The following DLGAP2 variants were observed in gnomAD, a reference collection of about 807,000 sequenced individuals.
The protein encoded by DLGAP2 is disks large-associated protein 2.
Under a neutral mutation model 100.3 loss-of-function variants are expected in DLGAP2, and 26 were observed. The ratio of observed to expected loss-of-function variants is 0.26; its 90% CI spans 0.19 to 0.36. The LOEUF is 0.36. DLGAP2 is among the 10% of genes least tolerant of loss of function. DLGAP2 has a pLI of 1.00. For missense variants in DLGAP2, 1,858 were observed against 1,453.2 expected, an observed-to-expected ratio of 1.28 and a Z score of -4.53; for synonymous variants, 886 against 630.1, an observed-to-expected ratio of 1.41 and a Z score of -6.08.
At chr8:1,580,451 G>A (rs914301676) in intron 6 of DLGAP2, among the ~76,000 whole-genome samples, 3 of 152,318 alleles carry the variant, frequency 2.0e-5, no homozygotes, top group Non-Finnish European at 2.9e-5. Flanking sequence ...CGTGGGAATC[G>A]AAAGGCAGAA....
intron 2 of DLGAP2, among the ~76,000 whole-genome samples, chr8:1,079,330 T>C (rs1389781694): frequency 1.3e-5 from 2 of 152,260 alleles, no homozygotes; most frequent in Non-Finnish European, 2.9e-5. Flanking sequence ...AAATATTTTC[T>C]CTCAGTCTAT....
chr8:1,687,574 C>T (rs1799147916), intron 12 of DLGAP2, among the ~76,000 whole-genome samples: 1 of 152,194 alleles, frequency 6.6e-6, no homozygotes, highest in African/African-American at 2.4e-5. Context: ...ATTAGCTACA[C>T]TTTTTGACAT....
rs891570786 is a variant in DLGAP2 at position 1,448,996 on chromosome 8, A to G, written c.107-52370A>G. Among the ~76,000 whole-genome samples the G allele has an allele frequency of 2.6e-5, 4 of 152,196 alleles. 1 individual carries two copies. The highest frequency in any genetic ancestry group is 5.9e-5 in the Non-Finnish European group (4 of 68,038). On this transcript the variant is annotated intron_variant, in intron 3 of 14. Coordinates refer to ENST00000637795, the MANE Select transcript of DLGAP2 (RefSeq NM_001346810.2). ...CAAAGTCTGGTTTAAAAGCTGACGC[A>G]TGTTCTGAGAGCTGTAGGCTGTGAT... is the stretch of plus-strand genomic sequence containing the variant.
At chr8:784,694 T>C (rs907741150) in intron 1 of DLGAP2, among the ~76,000 whole-genome samples, 29 of 152,226 alleles carry the variant, frequency 1.9e-4, no homozygotes, top group Admixed American at 1.8e-3. Context: ...AACGTGTGAC[T>C]GTGGACCCCA....
intron 2 of DLGAP2, among the ~76,000 whole-genome samples, chr8:1,214,627 C>G (rs886103838): frequency 2.0e-5 from 3 of 152,212 alleles, no homozygotes; most frequent in African/African-American, 7.2e-5. Context: ...GTGTCTGCTT[C>G]TTCCCTATTG....
At chr8:1,468,048 C>G in intron 3 of DLGAP2, among the ~76,000 whole-genome samples, 1 of 152,248 alleles carries the variant, frequency 6.6e-6, no homozygotes. Context: ...GGCGCTGTGG[C>G]TTGCATCTTG....
intron 2 of DLGAP2, among the ~76,000 whole-genome samples, chr8:1,199,494 A>G (rs989807520): frequency 6.6e-6 from 1 of 152,214 alleles, no homozygotes; most frequent in Non-Finnish European, 1.5e-5. Flanking sequence ...CAGGCAGTCC[A>G]GTGAAGGCTG....
At chr8:998,258 A>G (rs1009789781) in intron 2 of DLGAP2, among the ~76,000 whole-genome samples, 9 of 152,210 alleles carry the variant, frequency 5.9e-5, no homozygotes, top group African/African-American at 1.7e-4. Context: ...GTGTCATGTC[A>G]TACAACTCCT....
intron 3 of DLGAP2, among the ~76,000 whole-genome samples, chr8:1,443,098 T>C (rs894236800): frequency 9.2e-5 from 14 of 152,168 alleles, no homozygotes; most frequent in African/African-American, 2.9e-4. Flanking sequence ...TGCAAATACA[T>C]GGAAAGTATG....
At chr8:1,323,091 C>T (rs1800943579) in intron 3 of DLGAP2, among the ~76,000 whole-genome samples, 3 of 150,698 alleles carry the variant, frequency 2.0e-5, no homozygotes, top group Non-Finnish European at 2.9e-5. Flanking sequence ...AGTGCAATGG[C>T]GTGATCTCGG....
At chr8:1,233,204 A>T (rs117696976) in intron 2 of DLGAP2, among the ~76,000 whole-genome samples, 2,202 of 152,252 alleles carry the variant, frequency 0.014, 31 homozygotes, top group South Asian at 0.069. Flanking sequence ...CTCATTGGAC[A>T]TTTGAGTTGT....
rs1484516431 is a variant in DLGAP2 at position 1,706,078 on chromosome 8, G to T, written c.*4672G>T. 6.6e-6 allele frequency: 1 copy of T among 152,188 alleles called. No homozygotes were observed. Among genetic ancestry groups the T allele is most frequent in the African/African-American group, 2.4e-5 (1 of 41,424 alleles). The allele number at this position is 152,188 out of a possible 1,614,324, so 9.4% of individuals were successfully genotyped here. On this transcript the variant is annotated 3_prime_UTR_variant, in exon 15 of 15. Transcript: ENST00000637795. ...TATTAGTTGGGAGTTGCAATACATT[G>T]TTGGCCATAAACAAAGTGCTAAAGG...
intron 4 of DLGAP2, among the ~76,000 whole-genome samples, chr8:1,515,612 GCA>G (rs138432516): frequency 2.2e-4 from 33 of 152,084 alleles, no homozygotes; most frequent in East Asian, 1.5e-3. Flanking sequence ...ACACGTGCAT[GCA>G]CACACACATG....
intron 1 of DLGAP2, among the ~76,000 whole-genome samples, chr8:794,767 C>T (rs1795990461): frequency 6.6e-6 from 1 of 152,130 alleles, no homozygotes; most frequent in South Asian, 2.1e-4. Flanking sequence ...TGGGGGCCTG[C>T]TCCCAACAGC....
At chr8:901,783 GA>G (rs1798256911) in intron 1 of DLGAP2, among the ~76,000 whole-genome samples, 1 of 152,222 alleles carries the variant, frequency 6.6e-6, no homozygotes, top group African/African-American at 2.4e-5. Context: ...GCTTGAGCTT[GA>G]ACCCTCCCAG....
intron 2 of DLGAP2, among the ~76,000 whole-genome samples, chr8:1,076,586 C>T (rs753304675): frequency 6.6e-6 from 1 of 152,352 alleles, no homozygotes; most frequent in East Asian, 1.9e-4. Flanking sequence ...AGCCGCCTTC[C>T]GTTTTCACTT....
intron 2 of DLGAP2, among the ~76,000 whole-genome samples, chr8:925,249 G>C (rs530177919): frequency 1.1e-4 from 16 of 152,052 alleles, no homozygotes; most frequent in Non-Finnish European, 2.4e-4. Context: ...GGGACGACAG[G>C]TGCACACCAC....
chr8:1,661,801 A>C (rs1375481435), intron 8 of DLGAP2, among the ~76,000 whole-genome samples: 3 of 152,254 alleles, frequency 2.0e-5, no homozygotes, highest in African/African-American at 7.2e-5. Context: ...TAGGAGGGTC[A>C]GTTTCTATGT....
intron 3 of DLGAP2, among the ~76,000 whole-genome samples, chr8:1,455,735 C>T (rs1008087847): frequency 5.3e-5 from 8 of 152,228 alleles, no homozygotes; most frequent in Non-Finnish European, 7.3e-5. Flanking sequence ...GCGTCGCATC[C>T]TCCAGAGGCA....
Sources: allele counts gnomAD v4.1 joint callset (sites outside exome capture counted in the v4.1 genomes callset), GRCh38; gene constraint gnomAD v4.1.1; transcripts MANE v1.5; gene names NCBI Gene and HGNC (gene_info 2026-07-23, HGNC 2026-07-21).